ABCA13: variants seen among roughly 807,000 people sequenced by gnomAD.
ABCA13 encodes the protein ATP binding cassette subfamily A member 13.
Under a neutral mutation model 478.7 loss-of-function variants are expected in ABCA13, and 476 were observed. The observed-to-expected ratio is 0.99, with a 90% CI of 0.92 to 1.07. ABCA13 has a LOEUF of 1.07. Among genes scored for constraint, ABCA13 ranks in the 50% least tolerant of loss-of-function variants. The probability of loss-of-function intolerance (pLI) is 0.00; values close to 1 mark genes in which losing one functional copy is unlikely to be tolerated. For missense variants in ABCA13, 6,060 were observed against 5,910.6 expected, an observed-to-expected ratio of 1.03 and a Z score of -0.83; for synonymous variants, 2,252 against 2,158.9, an observed-to-expected ratio of 1.04 and a Z score of -1.20.
intron 1 of ABCA13, among the ~76,000 whole-genome samples, chr7:48,178,808 C>T (rs1355831037): frequency 6.6e-6 from 1 of 151,146 alleles, no homozygotes; most frequent in African/African-American, 2.4e-5. Flanking sequence ...TCTCATTTAC[C>T]AATTCGACTG....
chr7:48,403,269 C>T, intron 38 of ABCA13, among the ~76,000 whole-genome samples: 1 of 152,220 alleles, frequency 6.6e-6, no homozygotes. Flanking sequence ...GGCTTCTCTG[C>T]TGAGCAGTAG....
chr7:48,310,158 GGCTGGGGGCAGT>G lies in ABCA13; in HGVS notation c.9516+18_9516+29del. The G allele has an allele frequency of 6.3e-7, 1 of 1,590,618 alleles. No homozygotes were observed. The highest frequency in any genetic ancestry group is 2.2e-5 in the East Asian group (1 of 44,730). On this transcript the variant is annotated intron_variant, in intron 24 of 61. Coordinates refer to ENST00000435803, the MANE Select transcript of ABCA13 (RefSeq NM_152701.5). ...ATTTACAAGGTATGGAGAGCATGCT[GGCTGGGGGCAGT>G]CCTCTGCAGGACTCTGCTGTGGTGG...
intron 39 of ABCA13, among the ~76,000 whole-genome samples, chr7:48,405,937 C>T (rs754850879): frequency 2.0e-5 from 3 of 152,018 alleles, no homozygotes; most frequent in Non-Finnish European, 4.4e-5. Flanking sequence ...ATTAGATAGG[C>T]GGTATTGGAA....
At position 48,644,682 on chromosome 7, in the gene ABCA13, C is replaced by A; in HGVS notation, c.15009C>A (p.Phe5003Leu). The A allele has an allele frequency of 6.2e-7, 1 of 1,600,072 alleles. No homozygotes were observed. The highest frequency in any genetic ancestry group is 1.1e-5 in the South Asian group (1 of 90,348). Residue 5003 changes from phenylalanine (F) to leucine (L), a missense_variant, in exon 61 of 62, where the codon TTC becomes TTA. By Grantham distance (22) the Phe-to-Leu change is conservative. This residue lies in a region of ABCA13 where 1,627 missense variants were observed against 1,571.0 expected (regional missense o/e 1.04). Transcript: ENST00000435803. ...GATGGGGATGCCTAGCTGACTTGTT[C>A]AAAGTTATAGAGAACAATAAAACCT... ...PKRWGCLADLFKVIENNKTFL... is the reference protein window; with the variant it reads ...PKRWGCLADLLKVIENNKTFL...
At chr7:48,412,205 A>G in intron 40 of ABCA13, 148 bp from the exon 41 acceptor site, 1 of 616,978 alleles carries the variant, frequency 1.6e-6, no homozygotes, top group Non-Finnish European at 2.8e-6. Context: ...GATGTCATTG[A>G]GATGCCTATT....
At chr7:48,184,831 G>A (rs1253149154) in intron 1 of ABCA13, among the ~76,000 whole-genome samples, 1 of 152,026 alleles carries the variant, frequency 6.6e-6, no homozygotes, top group Non-Finnish European at 1.5e-5. Context: ...AAAATAAAAA[G>A]ACAGTTTCTT....
intron 42 of ABCA13, among the ~76,000 whole-genome samples, chr7:48,431,303 C>T (rs1329757823): frequency 1.3e-5 from 2 of 151,876 alleles, no homozygotes; most frequent in South Asian, 2.1e-4. Context: ...GATCATGCCA[C>T]TGCACTCCAG....
At chr7:48,436,184 A>C (rs1822805925) in intron 42 of ABCA13, among the ~76,000 whole-genome samples, 1 of 151,588 alleles carries the variant, frequency 6.6e-6, no homozygotes, top group Admixed American at 6.6e-5. Context: ...GGAATATTTT[A>C]ATTATTGATT....
intron 41 of ABCA13, among the ~76,000 whole-genome samples, chr7:48,416,191 T>A (rs985350829): frequency 6.6e-6 from 1 of 152,192 alleles, no homozygotes; most frequent in Non-Finnish European, 1.5e-5. Flanking sequence ...GATAAATCAA[T>A]GTAAAAATCT....
intron 51 of ABCA13, among the ~76,000 whole-genome samples, chr7:48,512,752 A>T (rs1563376147): frequency 2.8e-5 from 1 of 36,274 alleles, no homozygotes. Flanking sequence ...TTAAACTAAG[A>T]ATTCTCTTCA....
intron 59 of ABCA13, among the ~76,000 whole-genome samples, chr7:48,641,110 T>A (rs1370569008): frequency 1.3e-5 from 2 of 152,212 alleles, no homozygotes; most frequent in Non-Finnish European, 2.9e-5. Context: ...TTATAGAGAA[T>A]TTATTAGATA....
intron 45 of ABCA13, among the ~76,000 whole-genome samples, chr7:48,475,686 G>A (rs1476497900): frequency 3.9e-5 from 6 of 151,960 alleles, no homozygotes; most frequent in Non-Finnish European, 7.4e-5. Flanking sequence ...GGCTGGTCTC[G>A]AACTCCTGAC....
chr7:48,563,108 A>G (rs753841894), intron 55 of ABCA13, among the ~76,000 whole-genome samples: 4 of 152,272 alleles, frequency 2.6e-5, no homozygotes, highest in Non-Finnish European at 5.9e-5. Context: ...CATGGTATAA[A>G]TATCCAGGCT....
intron 35 of ABCA13, among the ~76,000 whole-genome samples, chr7:48,378,076 T>C (rs1309151946): frequency 6.6e-6 from 1 of 152,212 alleles, no homozygotes; most frequent in African/African-American, 2.4e-5. Context: ...ACTTTCCCTC[T>C]GAATCCCACT....
intron 1 of ABCA13, among the ~76,000 whole-genome samples, chr7:48,172,166 G>A (rs1794167972): frequency 6.6e-6 from 1 of 152,186 alleles, no homozygotes; most frequent in African/African-American, 2.4e-5. Context: ...TTGTGAAATA[G>A]AAATCAATTG....
chr7:48,185,541 A>G (rs150487525), intron 1 of ABCA13, among the ~76,000 whole-genome samples: 2,160 of 152,276 alleles, frequency 0.014, 17 homozygotes, highest in Non-Finnish European at 0.024. Flanking sequence ...TAACATCTTT[A>G]TGGTACTGAG....
chr7:48,620,740 C>T (rs760007553), intron 59 of ABCA13, among the ~76,000 whole-genome samples: 5 of 152,122 alleles, frequency 3.3e-5, no homozygotes, highest in Non-Finnish European at 5.9e-5. Context: ...AGATCTGAAA[C>T]GTGTCCTGCT....
chr7:48,368,186 T>A (rs1019879157), intron 32 of ABCA13, among the ~76,000 whole-genome samples: 1 of 152,178 alleles, frequency 6.6e-6, no homozygotes, highest in African/African-American at 2.4e-5. Flanking sequence ...TCAGCAACTT[T>A]TTTAAAACCC....
chr7:48,196,852 TGCCTGTCTTGTTACAGGAAGAGCTG>T (rs1463486195), intron 2 of ABCA13, among the ~76,000 whole-genome samples: 2 of 152,192 alleles, frequency 1.3e-5, no homozygotes, highest in Non-Finnish European at 2.9e-5. Context: ...AGATGTTCTG[TGCCTGTCTTGTTACAGGAAGAGCTG>T]GCCCCGTTCT....
Sources: gnomAD v4.1 joint callset for allele counts (sites outside exome capture counted in the v4.1 genomes callset) on GRCh38, gnomAD v4.1.1 for gene constraint, gnomAD v4.1.1 regional missense constraint, MANE v1.5 for transcripts, NCBI Gene and HGNC (gene_info 2026-07-23, HGNC 2026-07-21) for gene names.